BCAR3: variants seen among roughly 807,000 people sequenced by gnomAD.
BCAR3 encodes the protein breast cancer anti-estrogen resistance protein 3.
A neutral mutation model predicts 80.1 loss-of-function variants in BCAR3; 37 were observed. The ratio of observed to expected loss-of-function variants is 0.46; its 90% CI spans 0.36 to 0.61. The LOEUF is 0.61. Ranked by LOEUF, BCAR3 falls within the 20% of genes least tolerant of loss-of-function variation. The probability of loss-of-function intolerance (pLI) is 0.00; values close to 1 mark genes in which losing one functional copy is unlikely to be tolerated. For missense variants in BCAR3, 978 were observed against 1,068.2 expected (o/e 0.92, Z 1.18); for synonymous variants, 389 against 418.9 (o/e 0.93, Z 0.87).
intron 2 of BCAR3, among the ~76,000 whole-genome samples, chr1:93,671,531 T>G (rs978011172): frequency 6.6e-6 from 1 of 152,166 alleles, no homozygotes; most frequent in Non-Finnish European, 1.5e-5. Context: ...GGCAAGTCAC[T>G]GTCAACTGAA....
chr1:93,717,328 AT>A (rs1185144846), intron 2 of BCAR3, among the ~76,000 whole-genome samples: 1 of 152,250 alleles, frequency 6.6e-6, no homozygotes, highest in Non-Finnish European at 1.5e-5. Flanking sequence ...TGTGAATTAA[AT>A]AAATTGTTGT....
intron 2 of BCAR3, among the ~76,000 whole-genome samples, chr1:93,815,385 T>C (rs763592214): frequency 4.6e-5 from 7 of 152,152 alleles, no homozygotes; most frequent in Non-Finnish European, 1.0e-4. Flanking sequence ...ACATGATTAG[T>C]TGTTTCTTTT....
At chr1:93,614,008 G>C in intron 3 of BCAR3, 3 of 1,530,080 alleles carry the variant, frequency 2.0e-6, no homozygotes, top group South Asian at 1.2e-5. Flanking sequence ...TAAAGCCCTA[G>C]CCCACCACAG....
intron 9 of BCAR3, among the ~76,000 whole-genome samples, chr1:93,570,331 A>G (rs1673160741): frequency 6.6e-6 from 1 of 152,188 alleles, no homozygotes; most frequent in Non-Finnish European, 1.5e-5. Context: ...GTGGCTATGA[A>G]ACAGCCAAGC....
In BCAR3 at chr1:93,592,336, C is replaced by T; in HGVS notation, c.415G>A (p.Glu139Lys). The change falls in exon 4 of 12, where the codon GAG (glutamate) becomes AAG (lysine). Residue 139 changes from glutamate (E) to lysine (K), a missense_variant. Transcript: ENST00000260502. The surrounding 1 kb of genome is among the most constrained non-coding windows in gnomAD (Gnocchi z 4.8). Reference sequence around the variant, plus strand: ...TCGCTGCTCAGGAGCAGCTCCTCCTCCAGCTCCTTCTTCAGTTTCTCGGGG... The same window carrying T: ...TCGCTGCTCAGGAGCAGCTCCTCCTTCAGCTCCTTCTTCAGTTTCTCGGGG... ...RTPEKLKKEL[E>K]EELLLSSEDL... 3 of 1,610,336 alleles carry T rather than the reference C, an allele frequency of 1.9e-6. No individual in the cohort carries two copies. The highest frequency in any genetic ancestry group is 2.5e-6 in the Non-Finnish European group (3 of 1,179,880).
chr1:93,580,936 A>G (rs981249052), intron 7 of BCAR3, among the ~76,000 whole-genome samples: 1 of 152,188 alleles, frequency 6.6e-6, no homozygotes, highest in Non-Finnish European at 1.5e-5. Flanking sequence ...CAAGGCAGGC[A>G]GATCACTTGA....
At chr1:93,619,730 C>T (rs2101888750) in intron 3 of BCAR3, among the ~76,000 whole-genome samples, 1 of 152,350 alleles carries the variant, frequency 6.6e-6, no homozygotes, top group East Asian at 1.9e-4. Flanking sequence ...CTGCCTCTCT[C>T]CCACCTCCAC....
intron 3 of BCAR3, among the ~76,000 whole-genome samples, chr1:93,619,618 C>A (rs532662466): frequency 1.3e-5 from 2 of 152,160 alleles, no homozygotes; most frequent in African/African-American, 4.8e-5. Flanking sequence ...TAATAGGCAA[C>A]GACCACAAAG....
rs147352309 is a variant in BCAR3 at position 93,574,041 on chromosome 1, A to C, written c.1802+1973T>G. ...TAAACTCACTTCCCATGCTGCATTC[A>C]ATTGATTCTTTATTCAGTGTTTTCT... On this transcript the variant is annotated intron_variant, in intron 8 of 11. Transcript: ENST00000260502. 8.7e-3 allele frequency among the ~76,000 whole-genome samples: 1,324 copies of C among 152,262 alleles called. 14 individuals carry two copies. The highest frequency in any genetic ancestry group is 0.015 in the Non-Finnish European group (1,022 of 68,014).
Position 93,605,878 on chromosome 1 carries a change from G to A in BCAR3, c.358-13485C>T, listed in dbSNP as rs373444741. Among the ~76,000 whole-genome samples the A allele has an allele frequency of 2.6e-5, 4 of 152,198 alleles. No homozygotes were observed. In the East Asian group the frequency reaches 5.8e-4, roughly 22 times the overall value. ...AAGATGTAATTGGAAGGAAAAACAAGATATGCCAAACACATGGAGGAAAAG... is the reference window on the plus strand; with the variant it reads ...AAGATGTAATTGGAAGGAAAAACAAAATATGCCAAACACATGGAGGAAAAG... On this transcript the variant is annotated intron_variant, in intron 3 of 11. Transcript: ENST00000260502.
At position 93,681,709 on chromosome 1, in the gene BCAR3, A is replaced by C. The variant is rs1648774079; in HGVS notation, c.-123T>G. ...CCGCCCGCGCCGCGGCTGCTCCCGG[A>C]GCTGGGGACGCTCATGGTCCGCGGG... On this transcript the variant is annotated 5_prime_UTR_variant, in exon 1 of 12. Transcript: ENST00000260502. The C allele has an allele frequency of 6.6e-6, 1 of 151,222 alleles. No individual in the cohort carries two copies. The highest frequency in any genetic ancestry group is 1.5e-5 in the Non-Finnish European group (1 of 67,790). The allele number at this position is 151,222 out of a possible 1,614,324, so 9.4% of individuals were successfully genotyped here.
intron 3 of BCAR3, among the ~76,000 whole-genome samples, chr1:93,696,787 A>ATCTTTCATT (rs1553166349): frequency 6.6e-6 from 1 of 151,238 alleles, no homozygotes; most frequent in Non-Finnish European, 1.5e-5. Flanking sequence ...TATCTAACCA[A>ATCTTTCATT]CTCCCATCCC....
At chr1:93,822,646 C>T (rs1196632859) in intron 2 of BCAR3, among the ~76,000 whole-genome samples, 1 of 152,092 alleles carries the variant, frequency 6.6e-6, no homozygotes, top group African/African-American at 2.4e-5. Context: ...GCCAGCAATA[C>T]TTTGGATATG....
chr1:93,613,869 C>G, intron 3 of BCAR3: 1 of 1,550,438 alleles, frequency 6.4e-7, no homozygotes, highest in Non-Finnish European at 8.7e-7. Context: ...GAAAGACTTG[C>G]GGTGATAGAA....
chr1:93,728,904 A>G (rs1650687850), intron 2 of BCAR3, among the ~76,000 whole-genome samples: 1 of 152,110 alleles, frequency 6.6e-6, no homozygotes, highest in South Asian at 2.1e-4. Flanking sequence ...CAGGAAAAAA[A>G]AAATGCCTGT....
intron 3 of BCAR3, among the ~76,000 whole-genome samples, chr1:93,623,628 A>G (rs1202193051): frequency 1.3e-5 from 2 of 152,192 alleles, no homozygotes; most frequent in African/African-American, 4.8e-5. Flanking sequence ...GATGCAAGAG[A>G]CTAAGGTCCT....
intron 2 of BCAR3, among the ~76,000 whole-genome samples, chr1:93,709,797 G>A (rs746315103): frequency 7.9e-5 from 12 of 152,158 alleles, no homozygotes; most frequent in African/African-American, 1.4e-4. Flanking sequence ...CAACTCAACC[G>A]TCCTATATTA....
chr1:93,831,673 GA>G (rs775648764), intron 2 of BCAR3, among the ~76,000 whole-genome samples: 3 of 151,822 alleles, frequency 2.0e-5, no homozygotes, highest in Non-Finnish European at 2.9e-5. Context: ...CTTTTCTATG[GA>G]CTCATCTGAC....
At chr1:93,662,174 T>A (rs1020015191) in intron 2 of BCAR3, among the ~76,000 whole-genome samples, 1 of 152,226 alleles carries the variant, frequency 6.6e-6, no homozygotes, top group Non-Finnish European at 1.5e-5. Flanking sequence ...TCACCAGGTA[T>A]GATTTGGGCA....
Sources: allele counts gnomAD v4.1 joint callset (sites outside exome capture counted in the v4.1 genomes callset), GRCh38; gene constraint gnomAD v4.1.1; non-coding constraint Gnocchi (gnomAD v3.1); transcripts MANE v1.5; gene names NCBI Gene and HGNC (gene_info 2026-07-23, HGNC 2026-07-21).